The following SYNJ2BP variants were observed in gnomAD, a reference collection of about 807,000 sequenced individuals.
The protein encoded by SYNJ2BP is synaptojanin-2-binding protein.
Under a neutral mutation model 16.9 loss-of-function variants are expected in SYNJ2BP, and 10 were observed. The ratio of observed to expected loss-of-function variants is 0.59; its 90% CI spans 0.36 to 1.00. The LOEUF is 1.00. Ranked by LOEUF, SYNJ2BP falls within the 50% of genes least tolerant of loss-of-function variation. The probability of loss-of-function intolerance (pLI) is 0.01; values close to 1 mark genes in which losing one functional copy is unlikely to be tolerated. For missense variants in SYNJ2BP, 162 were observed against 186.7 expected (o/e 0.87, Z 0.77); for synonymous variants, 54 against 68.4 (o/e 0.79, Z 1.04).
At chr14:70,380,390 A>G (rs1200924522) in intron 2 of SYNJ2BP, among the ~76,000 whole-genome samples, 2 of 152,148 alleles carry the variant, frequency 1.3e-5, no homozygotes, top group East Asian at 1.9e-4. Flanking sequence ...GAGGCCAGGC[A>G]TGGTGGCTCA....
At chr14:70,411,074 T>C (rs545183471) in intron 1 of SYNJ2BP, among the ~76,000 whole-genome samples, 2 of 152,096 alleles carry the variant, frequency 1.3e-5, no homozygotes, top group East Asian at 1.9e-4. Flanking sequence ...CAAAGTGAAG[T>C]AGAAGGAGGA....
intron 1 of SYNJ2BP, among the ~76,000 whole-genome samples, chr14:70,413,649 A>T (rs2140879047): frequency 6.6e-6 from 1 of 152,332 alleles, no homozygotes; most frequent in African/African-American, 2.4e-5. Context: ...AAAAAAGAAG[A>T]ACAAAAGAAA....
intron 2 of SYNJ2BP, among the ~76,000 whole-genome samples, chr14:70,378,612 T>C (rs1173181907): frequency 1.3e-5 from 2 of 152,026 alleles, no homozygotes; most frequent in African/African-American, 4.8e-5. Flanking sequence ...ATTTTAATAA[T>C]AGTTTTAAAC....
At chr14:70,376,783 T>C (rs1421395988) in intron 2 of SYNJ2BP, among the ~76,000 whole-genome samples, 2 of 152,216 alleles carry the variant, frequency 1.3e-5, no homozygotes, top group Admixed American at 1.3e-4. Context: ...GAAAGAAAGA[T>C]CAAAGTGTCC....
rs1487753179 is a variant in SYNJ2BP, at chr14:70,373,256, C to A, written c.298-125G>T. The A allele has an allele frequency of 2.4e-6, 3 of 1,268,692 alleles. No homozygotes were observed. In the Admixed American group the frequency reaches 7.6e-5, roughly 32 times the overall value. 78.6% of individuals were successfully genotyped at this position (1,268,692 alleles called of 1,614,324 possible). A position where few individuals can be genotyped will look rare whatever the true frequency, so the allele number is the denominator to read the frequency against. ...CCCAAAACTGTAACCCCCAGCAATACCTAGCAGAAGGAGTCCTCTCTTTGT... is the reference window on the plus strand; with the variant it reads ...CCCAAAACTGTAACCCCCAGCAATAACTAGCAGAAGGAGTCCTCTCTTTGT... On this transcript the variant is annotated intron_variant, in intron 3 of 3. Coordinates refer to ENST00000256366, the MANE Select transcript of SYNJ2BP (RefSeq NM_018373.3).
intron 1 of SYNJ2BP, among the ~76,000 whole-genome samples, chr14:70,405,170 T>C (rs1024640439): frequency 5.9e-5 from 9 of 151,810 alleles, no homozygotes; most frequent in African/African-American, 2.2e-4. Flanking sequence ...AAGAAGGAAA[T>C]GTAAATTTCT....
At chr14:70,399,237 C>G (rs1888177809) in intron 1 of SYNJ2BP, among the ~76,000 whole-genome samples, 1 of 152,194 alleles carries the variant, frequency 6.6e-6, no homozygotes, top group Admixed American at 6.5e-5. Flanking sequence ...CTGCCCCAGG[C>G]CCACCCTGGC....
chr14:70,398,923 G>A (rs1888167682), intron 1 of SYNJ2BP, among the ~76,000 whole-genome samples: 2 of 152,072 alleles, frequency 1.3e-5, no homozygotes, highest in South Asian at 4.1e-4. Flanking sequence ...TGCCTATAGG[G>A]GGCCTCTAGG....
intron 2 of SYNJ2BP, among the ~76,000 whole-genome samples, chr14:70,384,086 A>G (rs1450241627): frequency 6.6e-6 from 1 of 152,028 alleles, no homozygotes; most frequent in Non-Finnish European, 1.5e-5. Context: ...TAAACCATGC[A>G]GTTACTTAAT....
chr14:70,416,867 C>T (rs1318248554), intron 1 of SYNJ2BP, 33 bp downstream of exon 1: 19 of 1,613,904 alleles, frequency 1.2e-5, no homozygotes, highest in Non-Finnish European at 1.6e-5. Context: ...CCTCTAATCC[C>T]CTACTGTCAG....
intron 2 of SYNJ2BP, among the ~76,000 whole-genome samples, chr14:70,387,788 G>A (rs1325818069): frequency 6.8e-6 from 1 of 148,024 alleles, no homozygotes; most frequent in Non-Finnish European, 1.5e-5. Context: ...CCAAGATTAC[G>A]ACCCTGCACT....
chr14:70,412,091 T>C (rs1888485003), intron 1 of SYNJ2BP, among the ~76,000 whole-genome samples: 1 of 152,218 alleles, frequency 6.6e-6, no homozygotes. Flanking sequence ...TAGAACTTAA[T>C]GGGGCATCTT....
intron 2 of SYNJ2BP, among the ~76,000 whole-genome samples, chr14:70,387,628 G>A (rs1230256194): frequency 2.0e-5 from 3 of 152,032 alleles, no homozygotes; most frequent in South Asian, 2.1e-4. Flanking sequence ...TCAGGAGTTC[G>A]AGACCAGCCT....
At chr14:70,401,526 T>TC (rs1888236448) in intron 1 of SYNJ2BP, among the ~76,000 whole-genome samples, 1 of 6,062 alleles carries the variant, frequency 1.6e-4, no homozygotes, top group Non-Finnish European at 3.1e-4. Flanking sequence ...GGTTCTTGGC[T>TC]TTTTTTTTTT....
intron 1 of SYNJ2BP, among the ~76,000 whole-genome samples, chr14:70,403,544 G>C (rs1888284925): frequency 6.6e-6 from 1 of 152,164 alleles, no homozygotes. Context: ...ATGGTGATGA[G>C]AGTGACCTCT....
intron 2 of SYNJ2BP, among the ~76,000 whole-genome samples, chr14:70,382,697 G>A (rs1372191822): frequency 6.6e-6 from 1 of 152,136 alleles, no homozygotes; most frequent in Non-Finnish European, 1.5e-5. Context: ...CCTAAGATAT[G>A]GCAGATTTGC....
intron 2 of SYNJ2BP, among the ~76,000 whole-genome samples, chr14:70,387,041 C>T (rs1887874731): frequency 6.6e-6 from 1 of 152,042 alleles, no homozygotes; most frequent in Non-Finnish European, 1.5e-5. Context: ...GGCTTATGGC[C>T]CATCTGGAGA....
In SYNJ2BP at chr14:70,378,661, A is replaced by C. The variant is rs1887684841; in HGVS notation, c.202-2890T>G. On this transcript the variant is annotated intron_variant, in intron 2 of 3. Transcript: ENST00000256366. ...AACTTTCATATACAATAGATTGCCA[A>C]ACTCCACAGTCTAACACTATGACAT... is the stretch of plus-strand genomic sequence containing the variant. 2.0e-5 allele frequency among the ~76,000 whole-genome samples: 3 copies of C among 152,112 alleles called. No individual in the cohort carries two copies. In the South Asian group the frequency reaches 6.2e-4, roughly 32 times the overall value.
At chr14:70,386,326 T>C (rs912371835) in intron 2 of SYNJ2BP, among the ~76,000 whole-genome samples, 1 of 152,234 alleles carries the variant, frequency 6.6e-6, no homozygotes, top group African/African-American at 2.4e-5. Context: ...AGGTATATTA[T>C]CACTGTCTCC....
Sources: allele counts gnomAD v4.1 joint callset (sites outside exome capture counted in the v4.1 genomes callset), GRCh38; gene constraint gnomAD v4.1.1; transcripts MANE v1.5; gene names NCBI Gene and HGNC (gene_info 2026-07-23, HGNC 2026-07-21).